Variants in SPANXN2 observed in about 807,000 individuals in gnomAD.
SPANXN2 encodes sperm protein associated with the nucleus on the X chromosome N2.
In SPANXN2, 1 loss-of-function variant was observed where a neutral mutation model predicts 2.0. The ratio of observed to expected loss-of-function variants is 0.50; its 90% CI spans 0.18 to 2.36. The LOEUF (loss-of-function observed/expected upper bound fraction) is 2.36, where lower values mean the gene tolerates loss of function less well. Among genes scored for constraint, SPANXN2 ranks in the 30% most tolerant of loss-of-function variants. SPANXN2 has a pLI of 0.26. For missense variants in SPANXN2, 88 were observed against 116.7 expected (o/e 0.75, Z 1.13); for synonymous variants, 43 against 49.8 (o/e 0.86, Z 0.58).
chrX:143,716,434 G>T (rs1200347943), intron 1 of SPANXN2, among the ~76,000 whole-genome samples: 1 of 111,081 alleles, frequency 9.0e-6, no homozygotes, highest in Non-Finnish European at 1.9e-5. Flanking sequence ...TGCTGGCCAA[G>T]CCACTATACG....
chrX:143,720,219 C>A (rs1238222004), intron 1 of SPANXN2, among the ~76,000 whole-genome samples: 33 of 106,369 alleles, frequency 3.1e-4, no homozygotes, highest in Non-Finnish European at 5.7e-4. Context: ...GGGTTCGGGC[C>A]ATGAGAAAAA....
At chrX:143,712,751 G>C (rs781818957) in intron 1 of SPANXN2, among the ~76,000 whole-genome samples, 1 of 111,385 alleles carries the variant, frequency 9.0e-6, no homozygotes, top group Non-Finnish European at 1.9e-5. Flanking sequence ...GTCAAAGTGA[G>C]ACACTCCATG....
At chrX:143,718,518 T>C (rs1461990477) in intron 1 of SPANXN2, among the ~76,000 whole-genome samples, 1 of 111,680 alleles carries the variant, frequency 9.0e-6, no homozygotes, top group Non-Finnish European at 1.9e-5. Flanking sequence ...TAACATCCTT[T>C]GCACACTGAA....
chrX:143,719,141 C>T (rs1602681310), intron 1 of SPANXN2, among the ~76,000 whole-genome samples: 2 of 110,978 alleles, frequency 1.8e-5, no homozygotes, highest in Middle Eastern at 4.6e-3. Flanking sequence ...TCCATCAAAT[C>T]CACCCACACC....
exon 2 of SPANXN2, chrX:143,711,986 A>G: frequency 3.3e-6 from 4 of 1,209,087 alleles, no homozygotes; most frequent in Non-Finnish European, 4.5e-6. Flanking sequence ...TATTGTAATC[A>G]TCGCCATTGG....
chrX:143,720,177 G>T (rs375224133), intron 1 of SPANXN2, among the ~76,000 whole-genome samples: 51 of 110,977 alleles, frequency 4.6e-4, no homozygotes, highest in African/African-American at 1.3e-3. Context: ...CTGCTATTTT[G>T]CAGACCTTGA....
chrX:143,720,316 A>T (rs1354664656), intron 1 of SPANXN2, among the ~76,000 whole-genome samples: 1 of 106,865 alleles, frequency 9.4e-6, no homozygotes, highest in Non-Finnish European at 1.9e-5. Flanking sequence ...AGTTCCAAGA[A>T]ACACCACAAT....
chrX:143,717,770 T>C lies in SPANXN2; in HGVS notation c.78+2821A>G, dbSNP rs141111562. ...TTCCCCTCAGGAAGCTATCAAACCA[T>C]CTCCTTTCCCACACACCAGACCTGA... is the stretch of plus-strand genomic sequence containing the variant. On this transcript the variant is annotated intron_variant, in intron 1 of 1. Coordinates refer to ENST00000598475, the Ensembl canonical transcript of SPANXN2. 8.2e-4 allele frequency among the ~76,000 whole-genome samples: 91 copies of C among 111,440 alleles called. 1 individual carries two copies. In the East Asian group the frequency reaches 0.014, roughly 18 times the overall value.
exon 2 of SPANXN2, chrX:143,712,479 C>T (rs1932181474): frequency 2.5e-6 from 3 of 1,209,894 alleles, no homozygotes; most frequent in African/African-American, 3.5e-5. Flanking sequence ...GGGCTAAGAC[C>T]CTGTTCGGTG....
chrX:143,715,093 C>T (rs782087186), intron 1 of SPANXN2, among the ~76,000 whole-genome samples: 5 of 111,627 alleles, frequency 4.5e-5, no homozygotes, highest in Admixed American at 2.9e-4. Context: ...CATCCTGCTT[C>T]ACCACCTGTA....
chrX:143,720,610 T>C, exon 1 of SPANXN2: 1 of 1,211,037 alleles, frequency 8.3e-7, no homozygotes, highest in Admixed American at 2.2e-5. Context: ...TTTTTTGTTA[T>C]TGGATTCACA....
intron 1 of SPANXN2, among the ~76,000 whole-genome samples, chrX:143,713,047 TA>T (rs1569482305): frequency 8.9e-6 from 1 of 111,746 alleles, no homozygotes; most frequent in African/African-American, 3.3e-5. Context: ...TCCACTTCCA[TA>T]GGTGTCTGCC....
At chrX:143,720,456 C>T (rs1397711404) in intron 1 of SPANXN2, 135 bp downstream of exon 1, 28 of 583,999 alleles carry the variant, frequency 4.8e-5, no homozygotes, top group Non-Finnish European at 6.7e-5. Flanking sequence ...CTGTAAGCGG[C>T]GGTGGGTTCT....
At chrX:143,718,853 CCTCT>C (rs1239021415) in intron 1 of SPANXN2, among the ~76,000 whole-genome samples, 1 of 111,130 alleles carries the variant, frequency 9.0e-6, no homozygotes, top group African/African-American at 3.3e-5. Flanking sequence ...CTCCTTTTGT[CCTCT>C]CTATCTGTGG....
rs181170235 is a variant in SPANXN2 at position 143,719,639 on chromosome X, T to A, written c.78+952A>T. On this transcript the variant is annotated intron_variant, in intron 1 of 1. Coordinates refer to ENST00000598475, the Ensembl canonical transcript of SPANXN2. ...ACTCTTATCTCTGCCTACTGGCCAA[T>A]TGGTCAGGAACATGCACCCTTGTGT... is the stretch of plus-strand genomic sequence containing the variant. Among the ~76,000 whole-genome samples the A allele has an allele frequency of 2.7e-5, 3 of 112,133 alleles. No individual in the cohort carries two copies. The Admixed American group carries it at 2.8e-4, about 11-fold the overall frequency.
intron 1 of SPANXN2, among the ~76,000 whole-genome samples, chrX:143,715,068 C>G (rs1373342571): frequency 1.8e-5 from 2 of 111,273 alleles, no homozygotes. Context: ...TCAGACTGTG[C>G]TCACTGAAAC....
intron 1 of SPANXN2, among the ~76,000 whole-genome samples, chrX:143,718,929 C>T (rs1932314413): frequency 9.0e-6 from 1 of 111,279 alleles, no homozygotes; most frequent in Admixed American, 9.6e-5. Context: ...GCCTCACTGC[C>T]TCTTAAATCA....
At chrX:143,717,141 A>G (rs1290821033) in intron 1 of SPANXN2, among the ~76,000 whole-genome samples, 2 of 111,951 alleles carry the variant, frequency 1.8e-5, no homozygotes, top group South Asian at 3.8e-4. Flanking sequence ...ACCCCATGCT[A>G]CCTCTCAACA....
chrX:143,719,632 T>G (rs1201514798), intron 1 of SPANXN2, among the ~76,000 whole-genome samples: 4 of 112,248 alleles, frequency 3.6e-5, no homozygotes, highest in Non-Finnish European at 5.6e-5. Flanking sequence ...CTCTGCCTAC[T>G]GGCCAATTGG....
Sources: gnomAD v4.1 joint callset for allele counts (sites outside exome capture counted in the v4.1 genomes callset) on GRCh38, gnomAD v4.1.1 for gene constraint, MANE v1.5 for transcripts, NCBI Gene and HGNC (gene_info 2026-07-23, HGNC 2026-07-21) for gene names.